Variants in RIMS2 observed in about 807,000 individuals in gnomAD.
RIMS2 encodes regulating synaptic membrane exocytosis protein 2.
A neutral mutation model predicts 174.4 loss-of-function variants in RIMS2; 59 were observed. The ratio of observed to expected loss-of-function variants is 0.34; its 90% CI spans 0.27 to 0.42. RIMS2 has a LOEUF of 0.42. RIMS2 is among the 10% of genes least tolerant of loss of function. RIMS2 has a pLI of 1.00. For missense variants in RIMS2, 1,620 were observed against 1,666.3 expected (o/e 0.97, Z 0.48); for synonymous variants, 606 against 572.5 (o/e 1.06, Z -0.84).
chr8:104,150,240 G>A (rs1158059825), intron 19 of RIMS2, among the ~76,000 whole-genome samples: 1 of 151,996 alleles, frequency 6.6e-6, no homozygotes, highest in Admixed American at 6.6e-5. Context: ...TAAAATGGAC[G>A]TTAGTAAGAC....
chr8:103,545,319 T>TA (rs1346969738), intron 1 of RIMS2, among the ~76,000 whole-genome samples: 1 of 149,894 alleles, frequency 6.7e-6, no homozygotes, highest in Non-Finnish European at 1.5e-5. Flanking sequence ...AGAAAGAAAT[T>TA]AAAAACAAAA....
At chr8:103,790,824 T>C (rs1192182557) in intron 3 of RIMS2, among the ~76,000 whole-genome samples, 2 of 152,210 alleles carry the variant, frequency 1.3e-5, no homozygotes, top group Non-Finnish European at 2.9e-5. Context: ...TGTTATGATT[T>C]TATGTTTACA....
intron 3 of RIMS2, among the ~76,000 whole-genome samples, chr8:103,826,687 A>T (rs2098792919): frequency 6.7e-6 from 1 of 148,680 alleles, no homozygotes. Flanking sequence ...ATATATTTCA[A>T]ATATATATAT....
At chr8:103,616,855 G>C (rs1405659565) in intron 1 of RIMS2, among the ~76,000 whole-genome samples, 2 of 152,120 alleles carry the variant, frequency 1.3e-5, no homozygotes, top group African/African-American at 4.8e-5. Context: ...ACAAAACTCT[G>C]CTCAAAGAAA....
intron 2 of RIMS2, among the ~76,000 whole-genome samples, chr8:103,732,211 G>A (rs1004356437): frequency 6.6e-6 from 1 of 152,220 alleles, no homozygotes; most frequent in African/African-American, 2.4e-5. Flanking sequence ...AGGTGCTGAT[G>A]CCATGGTGGT....
At chr8:104,245,012 G>T in exon 20 of RIMS2, 1 of 1,613,932 alleles carries the variant, frequency 6.2e-7, no homozygotes, top group Non-Finnish European at 8.5e-7. Context: ...CAGGCAAGCC[G>T]AGAGTCTACA....
intron 14 of RIMS2, among the ~76,000 whole-genome samples, chr8:103,944,738 G>A (rs2083326841): frequency 6.6e-6 from 1 of 151,906 alleles, no homozygotes; most frequent in South Asian, 2.1e-4. Flanking sequence ...ACTTACCCAT[G>A]GGTAATATAA....
intron 3 of RIMS2, among the ~76,000 whole-genome samples, chr8:103,884,191 T>C (rs898646601): frequency 6.6e-6 from 1 of 151,826 alleles, no homozygotes; most frequent in Admixed American, 6.6e-5. Context: ...TGGGTCATTC[T>C]ACTGTATCCT....
intron 3 of RIMS2, among the ~76,000 whole-genome samples, chr8:103,789,827 A>G (rs1217484536): frequency 7.1e-6 from 1 of 140,988 alleles, no homozygotes; most frequent in East Asian, 2.1e-4. Context: ...AGTCATGCTC[A>G]CAGCAGCCTC....
rs190528137 is a variant in RIMS2 at position 104,051,701 on chromosome 8, A to G, written c.3334+37086A>G. On this transcript the variant is annotated intron_variant, in intron 19 of 23. Coordinates refer to ENST00000504942, the Ensembl canonical transcript of RIMS2. ...GAGAGAGAGAAAGAAGGTTCATTTC[A>G]TGACAATATTTTTGATCATAAGTTC... Among the ~76,000 whole-genome samples the G allele has an allele frequency of 1.0e-3, 153 of 152,326 alleles. 1 individual carries two copies. The highest frequency in any genetic ancestry group is 1.7e-3 in the Non-Finnish European group (114 of 68,022).
chr8:104,103,276 G>A (rs754578294), intron 19 of RIMS2, among the ~76,000 whole-genome samples: 59 of 152,062 alleles, frequency 3.9e-4, no homozygotes, highest in Admixed American at 1.3e-4. Context: ...ATTCATTTTT[G>A]GGGTGATGAA....
intron 16 of RIMS2, among the ~76,000 whole-genome samples, chr8:103,977,865 A>G (rs371949153): frequency 6.6e-6 from 1 of 152,250 alleles, no homozygotes. Context: ...GAAGAAATGC[A>G]TAGGATGAGA....
chr8:103,536,591 A>G (rs574140503), intron 1 of RIMS2, among the ~76,000 whole-genome samples: 1 of 152,248 alleles, frequency 6.6e-6, no homozygotes, highest in East Asian at 1.9e-4. Context: ...ATCATGGTGG[A>G]AGGTGAGGGG....
intron 3 of RIMS2, among the ~76,000 whole-genome samples, chr8:103,789,179 C>T (rs2098472961): frequency 1.3e-5 from 2 of 152,086 alleles, no homozygotes; most frequent in Admixed American, 6.5e-5. Flanking sequence ...TCTGGCACTC[C>T]CTAGTGAGAT....
At position 103,557,830 on chromosome 8, in the gene RIMS2, G is replaced by T. The variant is rs929386029; in HGVS notation, c.176+56768G>T. 3.9e-5 allele frequency among the ~76,000 whole-genome samples: 6 copies of T among 152,072 alleles called. No homozygotes were observed. The South Asian group carries it at 1.2e-3, about 32-fold the overall frequency. The stretch of plus-strand genomic sequence containing the variant: ...AATTTTGAAAATGTACATAAATCAA[G>T]CATAACAAAATAATCTCTAGTATTA... On this transcript the variant is annotated intron_variant, in intron 1 of 23. Coordinates refer to ENST00000504942, the Ensembl canonical transcript of RIMS2.
At chr8:103,920,599 TC>T in intron 9 of RIMS2, 1 of 455,326 alleles carries the variant, frequency 2.2e-6, no homozygotes, top group South Asian at 1.6e-5. Flanking sequence ...CATCTGTACT[TC>T]CACATACCTG....
rs1418337450 is a variant in RIMS2, at chr8:103,582,906, C to T, written c.176+81844C>T. Among the ~76,000 whole-genome samples the T allele has an allele frequency of 2.6e-5, 4 of 152,172 alleles. No individual in the cohort carries two copies. The East Asian group carries it at 7.7e-4, about 29-fold the overall frequency. ...GATACAGTTCTGGCTTGCTTTGCCACCTGCTTATTGTAGAGCCCCAGGACC... is the reference window on the plus strand; with the variant it reads ...GATACAGTTCTGGCTTGCTTTGCCATCTGCTTATTGTAGAGCCCCAGGACC... On this transcript the variant is annotated intron_variant, in intron 1 of 23. Transcript: ENST00000504942.
At chr8:103,796,892 G>A (rs2098553513) in intron 3 of RIMS2, among the ~76,000 whole-genome samples, 1 of 152,150 alleles carries the variant, frequency 6.6e-6, no homozygotes, top group East Asian at 1.9e-4. Context: ...AGATGTGAGT[G>A]GTACAACTTG....
chr8:103,800,548 A>G (rs560763800), intron 3 of RIMS2, among the ~76,000 whole-genome samples: 2 of 152,266 alleles, frequency 1.3e-5, no homozygotes, highest in East Asian at 3.9e-4. Flanking sequence ...ATGGCTATGA[A>G]ATTTTGTCAT....
Sources: allele counts gnomAD v4.1 joint callset (sites outside exome capture counted in the v4.1 genomes callset), GRCh38; gene constraint gnomAD v4.1.1; transcripts MANE v1.5; gene names NCBI Gene and HGNC (gene_info 2026-07-23, HGNC 2026-07-21).